SRGAP3: variants seen among roughly 807,000 people sequenced by gnomAD.
The protein encoded by SRGAP3 is SLIT-ROBO Rho GTPase activating protein 3.
Under a neutral mutation model 121.1 loss-of-function variants are expected in SRGAP3, and 39 were observed. The ratio of observed to expected loss-of-function variants is 0.32; its 90% confidence interval spans 0.25 to 0.42. SRGAP3 has a LOEUF of 0.42. Among genes scored for constraint, SRGAP3 ranks in the 10% least tolerant of loss-of-function variants. The pLI is 1.00. For missense variants in SRGAP3, 1,213 were observed against 1,470.6 expected (o/e 0.82, Z 2.86); for synonymous variants, 601 against 570.0 (o/e 1.05, Z -0.77).
intron 12 of SRGAP3, among the ~76,000 whole-genome samples, chr3:9,030,030 TA>T (rs1559954172): frequency 6.6e-6 from 1 of 151,932 alleles, no homozygotes; most frequent in Non-Finnish European, 1.5e-5. Context: ...TGCATGCGTA[TA>T]GCCCCAGCTA....
rs148187083 is a variant in SRGAP3, at chr3:9,268,626, A to G, written n.442+57384T>C. Among the ~76,000 whole-genome samples, 459 of 152,222 alleles carry G rather than the reference A, an allele frequency of 3.0e-3. 1 individual carries two copies. The highest frequency in any genetic ancestry group is 4.0e-3 in the Non-Finnish European group (270 of 68,012). On this transcript the variant is annotated intron_variant and non_coding_transcript_variant, in intron 3 of 3. Coordinates refer to the SRGAP3 transcript ENST00000490889. ...AAAAGCAGTCTTGTAAGAGACCCAC[A>G]AGCCGAGGACCCAGGTAAGGCAAAC...
At chr3:9,142,009 G>T (rs1393749196) in intron 1 of SRGAP3, among the ~76,000 whole-genome samples, 1 of 152,194 alleles carries the variant, frequency 6.6e-6, no homozygotes, top group East Asian at 1.9e-4. Context: ...GATAATGTTG[G>T]AATATGCACA....
intron 1 of SRGAP3, among the ~76,000 whole-genome samples, chr3:9,145,089 G>GTTTA (rs369462537): frequency 2.2e-4 from 34 of 151,710 alleles, no homozygotes; most frequent in African/African-American, 4.4e-4. Context: ...TCTCTCTGTT[G>GTTTA]TTTATTTATT....
intron 3 of SRGAP3, among the ~76,000 whole-genome samples, chr3:9,286,113 A>AACACACACACACACACAC (rs34023408): frequency 7.4e-6 from 1 of 134,988 alleles, no homozygotes; most frequent in Non-Finnish European, 1.6e-5. Context: ...CCCTATCTCA[A>AACACACACACACACACAC]ACACACACAC....
intron 1 of SRGAP3, among the ~76,000 whole-genome samples, chr3:9,223,806 A>G (rs187892544): frequency 2.3e-3 from 344 of 152,346 alleles, no homozygotes; most frequent in Non-Finnish European, 3.6e-3. Context: ...CTGAAGAACC[A>G]TCCCAGCCTT....
Position 8,985,706 on chromosome 3 carries a change from G to A in SRGAP3, c.3113C>T (p.Thr1038Ile). The A allele has an allele frequency of 6.3e-7, 1 of 1,598,148 alleles. No homozygotes were observed. Among genetic ancestry groups the A allele is most frequent in the Non-Finnish European group, 8.5e-7 (1 of 1,179,586 alleles). ...SSSSSTEMMT[T>I]FKPALSARLA... is the part of the protein sequence containing the mutation. ...GCGGGCGGACAGGGCTGGCTTGAAG[G>A]TGGTCATCATCTCGGTGGAGGAGCT... The change falls in exon 22 of 22, where the codon ACC becomes ATC. Residue 1038 changes from threonine to isoleucine, a missense_variant. Physicochemically the swap from Thr to Ile is moderately conservative, Grantham distance 89. Coordinates refer to ENST00000383836, the MANE Select transcript of SRGAP3 (RefSeq NM_014850.4). The surrounding 1 kb of genome is among the most constrained non-coding windows in gnomAD (Gnocchi z 5.1).
At chr3:9,191,063 T>A (rs745750984) in intron 1 of SRGAP3, among the ~76,000 whole-genome samples, 1 of 152,154 alleles carries the variant, frequency 6.6e-6, no homozygotes, top group African/African-American at 2.4e-5. Context: ...AAAAAGAAGT[T>A]TCTCGTCCCC....
At position 9,153,752 on chromosome 3, in the gene SRGAP3, A is replaced by C. The variant is rs1472439394; in HGVS notation, c.68-28835T>G. On this transcript the variant is annotated intron_variant, in intron 1 of 21. Transcript: ENST00000383836. Reference sequence around the variant, plus strand: ...TCTTGCTATATGTACTCTAATTATGACATATTATTGTATACATTATACATA... The same window carrying C: ...TCTTGCTATATGTACTCTAATTATGCCATATTATTGTATACATTATACATA... Among the ~76,000 whole-genome samples the C allele has an allele frequency of 2.0e-5, 3 of 152,320 alleles. No individual in the cohort carries two copies. In the East Asian group the frequency reaches 5.8e-4, roughly 29 times the overall value.
chr3:9,186,649 G>C (rs565251029), intron 1 of SRGAP3, among the ~76,000 whole-genome samples: 1 of 152,300 alleles, frequency 6.6e-6, no homozygotes, highest in South Asian at 2.1e-4. Flanking sequence ...ATGAAGGAAT[G>C]AACCAGCTTG....
intron 1 of SRGAP3, among the ~76,000 whole-genome samples, chr3:9,168,280 C>T (rs1337236761): frequency 6.6e-6 from 1 of 152,238 alleles, no homozygotes; most frequent in East Asian, 1.9e-4. Flanking sequence ...ACATTTCATC[C>T]TAAAGCCCCA....
intron 18 of SRGAP3, among the ~76,000 whole-genome samples, chr3:9,006,410 A>AAAAAAGAAAAGAAAAG (rs1559892466): frequency 7.9e-5 from 12 of 151,440 alleles, no homozygotes; most frequent in African/African-American, 2.9e-4. Context: ...AAAAAAAAAA[A>AAAAAAGAAAAGAAAAG]AAAAGAAAAG....
intron 7 of SRGAP3, among the ~76,000 whole-genome samples, chr3:9,057,948 C>T (rs1017335071): frequency 4.6e-5 from 7 of 152,228 alleles, no homozygotes; most frequent in East Asian, 3.9e-4. Flanking sequence ...GGACCTCACC[C>T]GCACATGTGG....
intron 18 of SRGAP3, among the ~76,000 whole-genome samples, chr3:9,004,012 CTATT>C (rs1942922772): frequency 6.6e-6 from 1 of 152,080 alleles, no homozygotes; most frequent in African/African-American, 2.4e-5. Flanking sequence ...TCACTAAAAA[CTATT>C]TGACTGCATG....
chr3:9,224,210 G>A (rs1217629039), intron 1 of SRGAP3, among the ~76,000 whole-genome samples: 1 of 152,204 alleles, frequency 6.6e-6, no homozygotes, highest in Non-Finnish European at 1.5e-5. Context: ...ATTTAGACAT[G>A]AGACTTGGCT....
intron 3 of SRGAP3, among the ~76,000 whole-genome samples, chr3:9,291,645 TTTG>T (rs1201144533): frequency 1.3e-5 from 2 of 151,164 alleles, no homozygotes; most frequent in Non-Finnish European, 3.0e-5. Flanking sequence ...CGCACACACA[TTTG>T]TTGTCTTAAA....
chr3:9,099,996 C>T (rs1948152578), intron 3 of SRGAP3, among the ~76,000 whole-genome samples: 1 of 152,238 alleles, frequency 6.6e-6, no homozygotes, highest in Non-Finnish European at 1.5e-5. Flanking sequence ...CACTCAGCTA[C>T]CGCTAGCTGA....
At chr3:9,331,563 A>T (rs1201015282) in intron 1 of SRGAP3, among the ~76,000 whole-genome samples, 1 of 152,204 alleles carries the variant, frequency 6.6e-6, no homozygotes, top group Non-Finnish European at 1.5e-5. Context: ...AACTAGCCAC[A>T]TGGTAGACTA....
chr3:9,009,980 G>C (rs1532998), intron 18 of SRGAP3, among the ~76,000 whole-genome samples: 28,986 of 152,168 alleles, frequency 0.19, 3,138 homozygotes, highest in Non-Finnish European at 0.25. Context: ...AAGGATGGAG[G>C]AACAGAGCTT....
In SRGAP3 at chr3:9,065,748, C is replaced by T. The variant is rs115179996; in HGVS notation, c.487-1167G>A. Reference sequence around the variant, plus strand: ...TTACTTAGTCATATGTCCACAGCTACTTGAGATGTTTATAGTTTTTAGCTA... The same window carrying T: ...TTACTTAGTCATATGTCCACAGCTATTTGAGATGTTTATAGTTTTTAGCTA... On this transcript the variant is annotated intron_variant, in intron 4 of 21. Transcript: ENST00000383836. Among the ~76,000 whole-genome samples the T allele has an allele frequency of 3.0e-3, 464 of 152,298 alleles. 1 individual carries two copies. Among genetic ancestry groups the T allele is most frequent in the South Asian group, 0.014 (69 of 4,824 alleles).
Sources: allele counts gnomAD v4.1 joint callset (sites outside exome capture counted in the v4.1 genomes callset), GRCh38; gene constraint gnomAD v4.1.1; non-coding constraint Gnocchi (gnomAD v3.1); transcripts MANE v1.5; gene names NCBI Gene and HGNC (gene_info 2026-07-23, HGNC 2026-07-21).